SPAG11B: variants seen among roughly 807,000 people sequenced by gnomAD.
SPAG11B encodes sperm-associated antigen 11B.
A neutral mutation model predicts 8.9 loss-of-function variants in SPAG11B; 5 were observed. The observed-to-expected ratio is 0.56, with a 90% CI of 0.29 to 1.19. SPAG11B has a LOEUF of 1.19. SPAG11B is among the 50% of genes most tolerant of loss of function. The pLI is 0.08. For missense variants in SPAG11B, 38 were observed against 146.4 expected (o/e 0.26, Z 3.82); for synonymous variants, 12 against 53.0 (o/e 0.23, Z 3.36).
In SPAG11B at chr8:7,459,142, C is replaced by T. The variant is rs1284692994; in HGVS notation, c.214+3565G>A. ...TGAACCTGGGAGAATCGCTTGAACC[C>T]GGGAGGTGGAGGTGGTGGTGAGCCA... On this transcript the variant is annotated intron_variant, in intron 2 of 2. Transcript: ENST00000398462. 4.1e-5 allele frequency among the ~76,000 whole-genome samples: 3 copies of T among 72,908 alleles called. 1 individual carries two copies. The highest frequency in any genetic ancestry group is 3.0e-4 in the African/African-American group (3 of 9,932). The allele number at this position is 72,908 out of a possible 152,430, so 47.8% of individuals were successfully genotyped here.
intron 2 of SPAG11B, among the ~76,000 whole-genome samples, chr8:7,453,959 T>A (rs1378565124): frequency 6.8e-6 from 1 of 147,258 alleles, no homozygotes; most frequent in Non-Finnish European, 1.5e-5. Flanking sequence ...AGCTATGTAC[T>A]AAGTAATTGT....
downstream of SPAG11B, among the ~76,000 whole-genome samples, chr8:7,450,227 G>C (rs3915372): frequency 0.55 from 58,247 of 105,214 alleles, 12,968 homozygotes; most frequent in East Asian, 0.63. Context: ...TTGAAATAGC[G>C]TAAGAGTAAA....
chr8:7,450,790 A>T lies in SPAG11B; in HGVS notation c.325T>A (p.Trp109Arg), dbSNP rs570301707. 1 of 1,609,994 alleles carries T rather than the reference A, an allele frequency of 6.2e-7. No homozygotes were observed. The highest frequency in any genetic ancestry group is 1.7e-5 in the Admixed American group (1 of 59,532). ...EKKRDICSDP[W>R]NRCCVSNTDE... is the part of the protein sequence containing the mutation. ...GTATTTGATACGCAACACCTATTCC[A>T]GGGATCAGAGCAAATGTCACGCTTT... is the stretch of plus-strand genomic sequence containing the variant. Residue 109 changes from tryptophan to arginine, a missense_variant, in exon 3 of 3, where the codon TGG becomes AGG. Transcript: ENST00000398462.
intron 2 of SPAG11B, among the ~76,000 whole-genome samples, chr8:7,459,023 A>G (rs1406995397): frequency 3.3e-5 from 3 of 91,948 alleles, no homozygotes; most frequent in African/African-American, 1.4e-4. Flanking sequence ...ACATGGAGAA[A>G]CCTCGTCTCT....
chr8:7,450,962 C>A lies in SPAG11B; in HGVS notation c.215-62G>T, dbSNP rs2853659. On this transcript the variant is annotated intron_variant, in intron 2 of 2. Transcript: ENST00000398462. ...ATATAGTGCAGAGAATAGAAGATGA[C>A]CCCAGCCCGCTGCCAAGGGTTATAT... The A allele has an allele frequency of 3.5e-4, 537 of 1,533,120 alleles. 50 individuals are homozygous for A. The African/African-American group carries it at 5.8e-3, about 17-fold the overall frequency. The allele number at this position is 1,533,120 out of a possible 1,614,324, so 95.0% of individuals were successfully genotyped here. A position where few individuals can be genotyped will look rare whatever the true frequency, so the allele number is the denominator to read the frequency against.
At chr8:7,453,828 C>T (rs1451786347) in intron 2 of SPAG11B, among the ~76,000 whole-genome samples, 3 of 148,848 alleles carry the variant, frequency 2.0e-5, no homozygotes, top group African/African-American at 7.7e-5. Context: ...ACTCACAGAC[C>T]TTTCTGTACC....
In SPAG11B at chr8:7,450,742, GT is replaced by G. The variant is rs1443832706; in HGVS notation, c.372del (p.Lys124AsnfsTer13). 1 of 1,596,718 alleles carries G rather than the reference GT, an allele frequency of 6.3e-7. No individual in the cohort carries two copies. Among genetic ancestry groups the G allele is most frequent in the East Asian group, 2.3e-5 (1 of 44,286 alleles). On this transcript the variant is annotated frameshift_variant, in exon 3 of 3. Coordinates refer to ENST00000398462, the MANE Select transcript of SPAG11B (RefSeq NM_058201.4). LOFTEE classifies it low-confidence loss of function (END_TRUNC). Reference protein sequence around the residue: ...VSNTDEEGKEKPEMDGRSGI With the variant: ...VSNTDEEGKEXPEMDGRSGI ...ATCCCAGATCTGCCATCCATCTCTG[GT>G]TTCTCTTTTCCTTCTTCATCTGTAT...
chr8:7,454,022 T>A (rs1377166821), intron 2 of SPAG11B, among the ~76,000 whole-genome samples: 1 of 135,922 alleles, frequency 7.4e-6, no homozygotes, highest in South Asian at 2.3e-4. Flanking sequence ...AAGAAATCGA[T>A]TAAAATGTGA....
At chr8:7,453,790 G>A (rs553110846) in intron 2 of SPAG11B, among the ~76,000 whole-genome samples, 2 of 148,440 alleles carry the variant, frequency 1.3e-5, no homozygotes, top group African/African-American at 5.1e-5. Flanking sequence ...GATTAAGCAG[G>A]ACAATGTGCC....
chr8:7,448,894 T>C (rs1809965155), downstream of SPAG11B, among the ~76,000 whole-genome samples: 1 of 144,408 alleles, frequency 6.9e-6, no homozygotes, highest in Non-Finnish European at 1.5e-5. Context: ...TTTTTTACCA[T>C]GCCTTACAGG....
At chr8:7,459,596 C>T (rs1417192162) in intron 2 of SPAG11B, among the ~76,000 whole-genome samples, 2 of 147,886 alleles carry the variant, frequency 1.4e-5, no homozygotes, top group African/African-American at 2.5e-5. Context: ...GAAGTCCCAA[C>T]TCCTAGCTTC....
chr8:7,454,156 C>T (rs71235968), intron 2 of SPAG11B, among the ~76,000 whole-genome samples: 10 of 95,292 alleles, frequency 1.0e-4, no homozygotes, highest in Non-Finnish European at 1.5e-4. Context: ...GCTTCCACAC[C>T]AAGATGATAC....
chr8:7,458,692 AT>A lies in SPAG11B; in HGVS notation c.214+4014del, dbSNP rs1260704890. Among the ~76,000 whole-genome samples, 219 of 118,256 alleles carry A rather than the reference AT, an allele frequency of 1.9e-3. 1 individual carries two copies. The highest frequency in any genetic ancestry group is 4.9e-3 in the African/African-American group (147 of 30,008). 77.6% of individuals were successfully genotyped at this position (118,256 alleles called of 152,430 possible). The stretch of plus-strand genomic sequence containing the variant: ...AAAATAGTAAAAAAAAAAAAAAAAA[AT>A]AGAAGGGCTCTACAGATATAAAAAT... On this transcript the variant is annotated intron_variant, in intron 2 of 2. Coordinates refer to ENST00000398462, the MANE Select transcript of SPAG11B (RefSeq NM_058201.4).
chr8:7,451,116 A>G, intron 2 of SPAG11B: 1 of 1,552,344 alleles, frequency 6.4e-7, no homozygotes. Flanking sequence ...TGTTTTATGA[A>G]TGCTCACCTG....
downstream of SPAG11B, among the ~76,000 whole-genome samples, chr8:7,448,302 CAAAAAAAAAAAAA>C (rs71221492): frequency 2.1e-3 from 102 of 48,872 alleles, 1 homozygote; most frequent in Middle Eastern, 0.048. Context: ...AACAAGTGGT[CAAAAAAAAAAAAA>C]AAAAAAAAAA....
intron 2 of SPAG11B, among the ~76,000 whole-genome samples, chr8:7,451,863 G>C (rs1291296509): frequency 9.8e-4 from 148 of 151,226 alleles, no homozygotes; most frequent in Middle Eastern, 3.4e-3. Flanking sequence ...TGACCATAAA[G>C]ATTCATTGCA....
At chr8:7,458,928 G>A (rs1277685911) in intron 2 of SPAG11B, among the ~76,000 whole-genome samples, 1 of 28,562 alleles carries the variant, frequency 3.5e-5, no homozygotes, top group Admixed American at 4.3e-4. Flanking sequence ...GCCGGGCGCG[G>A]TGGCTCACGC....
At chr8:7,451,725 T>G (rs1339969525) in intron 2 of SPAG11B, among the ~76,000 whole-genome samples, 1 of 150,596 alleles carries the variant, frequency 6.6e-6, no homozygotes, top group Non-Finnish European at 1.5e-5. Flanking sequence ...ATTCTGGTCT[T>G]ACTTCTTCCA....
intron 2 of SPAG11B, among the ~76,000 whole-genome samples, chr8:7,459,589 G>T (rs1169162570): frequency 6.8e-6 from 1 of 148,130 alleles, no homozygotes; most frequent in Non-Finnish European, 1.5e-5. Flanking sequence ...TGGTAAGGAA[G>T]TCCCAACTCC....
Sources: allele counts gnomAD v4.1 joint callset (sites outside exome capture counted in the v4.1 genomes callset), GRCh38; gene constraint gnomAD v4.1.1; transcripts MANE v1.5; gene names NCBI Gene and HGNC (gene_info 2026-07-23, HGNC 2026-07-21).